LRRC20: variants seen among roughly 807,000 people sequenced by gnomAD.
The protein encoded by LRRC20 is leucine rich repeat containing 20.
In LRRC20, 11 loss-of-function variants were observed where a neutral mutation model predicts 14.4. The ratio of observed to expected loss-of-function variants is 0.77; its 90% CI spans 0.48 to 1.27. The LOEUF (loss-of-function observed/expected upper bound fraction) is 1.27. Ranked by LOEUF, LRRC20 falls within the 50% of genes most tolerant of loss-of-function variation. The probability of loss-of-function intolerance (pLI) is 0.00; values close to 1 mark genes in which losing one functional copy is unlikely to be tolerated. For synonymous variants in LRRC20, 121 were observed against 107.3 expected, an observed-to-expected ratio of 1.13 and a Z score of -0.79; for missense variants, 219 against 251.2, an observed-to-expected ratio of 0.87 and a Z score of 0.87.
intron 2 of LRRC20, among the ~76,000 whole-genome samples, chr10:70,364,318 T>G (rs1295728134): frequency 6.6e-6 from 1 of 152,116 alleles, no homozygotes; most frequent in Non-Finnish European, 1.5e-5. Flanking sequence ...CCCCTTTCAG[T>G]GTAAGAGTGT....
chr10:70,370,569 A>C (rs1844227324), intron 2 of LRRC20, among the ~76,000 whole-genome samples: 1 of 152,062 alleles, frequency 6.6e-6, no homozygotes, highest in Non-Finnish European at 1.5e-5. Flanking sequence ...AACCCTGTCT[A>C]TACTAAAAGT....
At chr10:70,378,381 G>A (rs1312935435) in intron 1 of LRRC20, among the ~76,000 whole-genome samples, 5 of 151,948 alleles carry the variant, frequency 3.3e-5, no homozygotes, top group African/African-American at 1.2e-4. Flanking sequence ...AGTGACTCAT[G>A]CCTGTAATCC....
chr10:70,339,286 C>A (rs1469744523), intron 3 of LRRC20, among the ~76,000 whole-genome samples: 1 of 152,232 alleles, frequency 6.6e-6, no homozygotes, highest in Non-Finnish European at 1.5e-5. Context: ...TGCTGGTCGT[C>A]TTTGTACCAG....
chr10:70,301,585 C>G, intron 4 of LRRC20, 77 bp from the exon 5 acceptor site: 1 of 1,513,490 alleles, frequency 6.6e-7, no homozygotes, highest in South Asian at 1.2e-5. Flanking sequence ...GCCATGAGGA[C>G]TCTGAGCACC....
intron 4 of LRRC20, among the ~76,000 whole-genome samples, chr10:70,308,896 AG>A (rs1445412508): frequency 6.6e-6 from 1 of 152,216 alleles, no homozygotes; most frequent in African/African-American, 2.4e-5. Context: ...CACAGCTGCC[AG>A]CAGCCTGGCC....
intron 3 of LRRC20, among the ~76,000 whole-genome samples, chr10:70,326,588 T>C (rs1589068832): frequency 6.6e-6 from 1 of 152,280 alleles, no homozygotes; most frequent in Non-Finnish European, 1.5e-5. Context: ...GGTCCAGTGC[T>C]CGCTTCACGC....
At chr10:70,337,012 T>G (rs1474036426) in intron 3 of LRRC20, among the ~76,000 whole-genome samples, 4 of 152,148 alleles carry the variant, frequency 2.6e-5, no homozygotes, top group African/African-American at 9.7e-5. Flanking sequence ...ATTTTTTCCT[T>G]CCATAAAATG....
At chr10:70,345,732 C>A (rs1055620459) in intron 2 of LRRC20, among the ~76,000 whole-genome samples, 1 of 152,146 alleles carries the variant, frequency 6.6e-6, no homozygotes, top group Non-Finnish European at 1.5e-5. Context: ...TGTAACCTAT[C>A]CAACAAATAA....
At chr10:70,382,158 C>T (rs1231317055) in intron 1 of LRRC20, among the ~76,000 whole-genome samples, 1 of 152,236 alleles carries the variant, frequency 6.6e-6, no homozygotes, top group Non-Finnish European at 1.5e-5. Context: ...GAAGCAAACC[C>T]CGAAAGTGTC....
At chr10:70,313,507 C>T (rs1047311635) in intron 4 of LRRC20, among the ~76,000 whole-genome samples, 11 of 152,158 alleles carry the variant, frequency 7.2e-5, no homozygotes, top group Non-Finnish European at 1.5e-4. Context: ...AAAGTTATGA[C>T]AGGCAGAGAA....
At position 70,376,495 on chromosome 10, in the gene LRRC20, T is replaced by C. The variant is rs779372861; in HGVS notation, c.39A>G (p.Ala13=). 2 of 1,614,076 alleles carry C rather than the reference T, an allele frequency of 1.2e-6. No homozygotes were observed. Among genetic ancestry groups the C allele is most frequent in the South Asian group, 1.1e-5 (1 of 91,082 alleles). The change falls in exon 2 of 5, where the codon GCA becomes GCG. Residue 13 remains alanine (A), a synonymous_variant. Transcript: ENST00000446961. The part of the protein sequence containing the change: ...KKMGEAVARV[A]RKVNETVESG... ...TCTCCACCGTCTCGTTGACCTTCCT[T>C]GCTACTCTGGCCACGGCCTCACCCA... is the stretch of plus-strand genomic sequence containing the variant.
chr10:70,321,753 T>C (rs954707736), intron 4 of LRRC20, among the ~76,000 whole-genome samples: 1 of 152,230 alleles, frequency 6.6e-6, no homozygotes, highest in Non-Finnish European at 1.5e-5. Flanking sequence ...CAGTCACTGA[T>C]GTCTCTCTTA....
chr10:70,322,787 G>A (rs1210902457), intron 4 of LRRC20, among the ~76,000 whole-genome samples: 1 of 152,070 alleles, frequency 6.6e-6, no homozygotes, highest in East Asian at 1.9e-4. Context: ...ATGTGTTTGG[G>A]CCTCGTTTGA....
chr10:70,341,062 G>C (rs183946324), intron 2 of LRRC20, among the ~76,000 whole-genome samples: 3 of 152,168 alleles, frequency 2.0e-5, no homozygotes, highest in African/African-American at 7.2e-5. Context: ...TCAAAGACTC[G>C]ACAGCGCAGA....
chr10:70,304,523 T>C (rs968619256), intron 4 of LRRC20, among the ~76,000 whole-genome samples: 1 of 144,086 alleles, frequency 6.9e-6, no homozygotes, highest in Admixed American at 7.0e-5. Flanking sequence ...TAAGCACCAA[T>C]AACAATCTTT....
intron 2 of LRRC20, among the ~76,000 whole-genome samples, chr10:70,374,223 A>C (rs1844413370): frequency 6.6e-6 from 1 of 151,868 alleles, no homozygotes; most frequent in African/African-American, 2.4e-5. Context: ...TCCTCTCTCA[A>C]ACAGCACCCA....
intron 4 of LRRC20, among the ~76,000 whole-genome samples, chr10:70,307,730 G>A (rs1170526604): frequency 6.6e-6 from 1 of 152,254 alleles, no homozygotes. Flanking sequence ...AAGCTCTGGA[G>A]TCAGAAGGAT....
At chr10:70,309,505 G>T (rs1289509872) in intron 4 of LRRC20, among the ~76,000 whole-genome samples, 1 of 152,208 alleles carries the variant, frequency 6.6e-6, no homozygotes, top group Admixed American at 6.5e-5. Flanking sequence ...CTGGCCCCCG[G>T]CCCCCAGAAG....
chr10:70,365,356 C>A (rs1027244239), intron 2 of LRRC20, among the ~76,000 whole-genome samples: 1 of 152,142 alleles, frequency 6.6e-6, no homozygotes, highest in Non-Finnish European at 1.5e-5. Flanking sequence ...CCGCGCCCGG[C>A]GAGATTCAAC....
Sources: gnomAD v4.1 joint callset for allele counts (sites outside exome capture counted in the v4.1 genomes callset) on GRCh38, gnomAD v4.1.1 for gene constraint, MANE v1.5 for transcripts, NCBI Gene and HGNC (gene_info 2026-07-23, HGNC 2026-07-21) for gene names.